Variants in PCBD2 observed in about 807,000 individuals in gnomAD.
The protein encoded by PCBD2 is pterin-4 alpha-carbinolamine dehydratase 2.
PCBD2 carries 12 observed loss-of-function variants against 16.4 expected under a neutral mutation model. The ratio of observed to expected loss-of-function variants is 0.73; its 90% CI spans 0.47 to 1.19. PCBD2 has a LOEUF of 1.19. PCBD2 is among the 50% of genes most tolerant of loss of function. The probability of loss-of-function intolerance (pLI) is 0.00; values close to 1 mark genes in which losing one functional copy is unlikely to be tolerated. For missense variants in PCBD2, 138 were observed against 156.8 expected (o/e 0.88, Z 0.64); for synonymous variants, 58 against 61.8 (o/e 0.94, Z 0.29).
intron 2 of PCBD2, among the ~76,000 whole-genome samples, chr5:134,920,299 C>A (rs1317574290): frequency 6.6e-6 from 1 of 152,208 alleles, no homozygotes; most frequent in Non-Finnish European, 1.5e-5. Context: ...TGGGTCATGT[C>A]ACAGTTACCA....
chr5:134,923,329 T>A (rs1248740999), intron 2 of PCBD2: 1 of 162,050 alleles, frequency 6.2e-6, no homozygotes, highest in Non-Finnish European at 1.3e-5. Context: ...AGTGTTAACG[T>A]CATTAGGGTG....
chr5:134,912,368 A>G (rs1750779949), intron 2 of PCBD2, among the ~76,000 whole-genome samples: 2 of 152,200 alleles, frequency 1.3e-5, no homozygotes, highest in South Asian at 4.1e-4. Context: ...AAACACAACT[A>G]GGAACACACC....
intron 2 of PCBD2, chr5:134,928,474 G>T: frequency 3.1e-6 from 1 of 319,378 alleles, no homozygotes; most frequent in South Asian, 1.5e-4. Flanking sequence ...GGGACGATGT[G>T]ACTATTAGTG....
At chr5:134,958,348 C>T (rs1324137665) in intron 2 of PCBD2, among the ~76,000 whole-genome samples, 1 of 152,230 alleles carries the variant, frequency 6.6e-6, no homozygotes, top group African/African-American at 2.4e-5. Flanking sequence ...TCAGTCCACA[C>T]TTAGTCGTGT....
intron 2 of PCBD2, among the ~76,000 whole-genome samples, chr5:134,931,192 C>T (rs370252485): frequency 1.4e-3 from 207 of 152,242 alleles, no homozygotes; most frequent in African/African-American, 4.7e-3. Flanking sequence ...CTTTGGCCAC[C>T]GCGCCGGCCT....
At chr5:134,932,432 C>T (rs1580887121) in intron 2 of PCBD2, among the ~76,000 whole-genome samples, 1 of 152,046 alleles carries the variant, frequency 6.6e-6, no homozygotes, top group Admixed American at 6.5e-5. Flanking sequence ...ACCTCCGTCT[C>T]CTGGGTTCAA....
intron 2 of PCBD2, among the ~76,000 whole-genome samples, chr5:134,910,734 A>T (rs1473516532): frequency 6.6e-6 from 1 of 152,188 alleles, no homozygotes; most frequent in African/African-American, 2.4e-5. Flanking sequence ...GTTGGTTAGG[A>T]TATGTAGTTT....
At chr5:134,924,180 T>C (rs1253254584) in intron 2 of PCBD2, 7 of 397,394 alleles carry the variant, frequency 1.8e-5, no homozygotes, top group Non-Finnish European at 3.1e-5. Context: ...TGTGGGGTTT[T>C]CTTCTAAGCC....
intron 1 of PCBD2, among the ~76,000 whole-genome samples, chr5:134,909,168 C>A (rs990441625): frequency 6.6e-6 from 1 of 152,222 alleles, no homozygotes; most frequent in Admixed American, 6.5e-5. Flanking sequence ...TTGTGAATGT[C>A]ATCCCCAGGA....
At chr5:134,925,557 G>T (rs1299714428) in intron 2 of PCBD2, 1 of 398,248 alleles carries the variant, frequency 2.5e-6, no homozygotes, top group Non-Finnish European at 4.4e-6. Flanking sequence ...AGAAGGCCAC[G>T]ATTTTTTTGA....
intron 2 of PCBD2, among the ~76,000 whole-genome samples, chr5:134,955,756 A>G (rs1439973606): frequency 1.3e-5 from 2 of 152,084 alleles, no homozygotes; most frequent in Non-Finnish European, 1.5e-5. Context: ...AGTGGTGTCT[A>G]TTCTGCTTCT....
At chr5:134,934,620 T>C (rs1751137592) in intron 2 of PCBD2, among the ~76,000 whole-genome samples, 1 of 152,244 alleles carries the variant, frequency 6.6e-6, no homozygotes, top group Non-Finnish European at 1.5e-5. Flanking sequence ...CTCTTAAATA[T>C]TGAAGGCATA....
chr5:134,947,511 C>G (rs1003644700), intron 2 of PCBD2, among the ~76,000 whole-genome samples: 1 of 151,740 alleles, frequency 6.6e-6, no homozygotes, highest in Admixed American at 6.6e-5. Flanking sequence ...CCTCAGCCTC[C>G]CGAGTAGGTG....
chr5:134,925,031 T>A, intron 2 of PCBD2: 1 of 393,072 alleles, frequency 2.5e-6, no homozygotes, highest in Non-Finnish European at 4.5e-6. Context: ...ATTTGGGGGG[T>A]GGATGTGGGG....
rs1384103573 is a variant in PCBD2 at position 134,928,425 on chromosome 5, C to T, written c.216+17959C>T. The stretch of plus-strand genomic sequence containing the variant: ...CAGTCTAACCCTTTTTATAATCATT[C>T]GTAGGCCAGACTTAGGGCTAGGATG... On this transcript the variant is annotated intron_variant, in intron 2 of 3. Coordinates refer to ENST00000254908, the MANE Select transcript of PCBD2 (RefSeq NM_032151.5). 1.2e-4 allele frequency: 42 copies of T among 351,052 alleles called. 2 individuals are homozygous for T. The Admixed American group carries it at 2.0e-3, about 17-fold the overall frequency. 21.7% of individuals were successfully genotyped at this position (351,052 alleles called of 1,614,324 possible). A position where few individuals can be genotyped will look rare whatever the true frequency, so the allele number is the denominator to read the frequency against.
At chr5:134,946,299 A>G (rs141177535) in intron 2 of PCBD2, among the ~76,000 whole-genome samples, 57 of 152,194 alleles carry the variant, frequency 3.7e-4, no homozygotes, top group African/African-American at 1.4e-3. Context: ...CAAGTTTGCA[A>G]CCTGTGTGTG....
intron 2 of PCBD2, among the ~76,000 whole-genome samples, chr5:134,922,811 C>T (rs767732073): frequency 6.6e-5 from 10 of 151,750 alleles, no homozygotes; most frequent in Non-Finnish European, 1.0e-4. Context: ...TACAGGTGCC[C>T]GCCACCACGC....
chr5:134,926,647 A>G (rs1266251136), intron 2 of PCBD2: 5 of 396,628 alleles, frequency 1.3e-5, no homozygotes, highest in African/African-American at 8.2e-5. Flanking sequence ...GTTTTGGTTA[A>G]ACTATATTTA....
At chr5:134,922,764 G>A (rs1001759283) in intron 2 of PCBD2, among the ~76,000 whole-genome samples, 5 of 151,478 alleles carry the variant, frequency 3.3e-5, no homozygotes, top group African/African-American at 9.7e-5. Flanking sequence ...CTGGGTTCAC[G>A]CTATTCTCCT....
Sources: allele counts gnomAD v4.1 joint callset (sites outside exome capture counted in the v4.1 genomes callset), GRCh38; gene constraint gnomAD v4.1.1; transcripts MANE v1.5; gene names NCBI Gene and HGNC (gene_info 2026-07-23, HGNC 2026-07-21).